TNFSF15: variants seen among roughly 807,000 people sequenced by gnomAD.
TNFSF15 encodes tumor necrosis factor ligand superfamily member 15.
In TNFSF15, 15 loss-of-function variants were observed where a neutral mutation model predicts 26.4. The observed-to-expected ratio is 0.57, with a 90% CI of 0.38 to 0.87. The LOEUF (loss-of-function observed/expected upper bound fraction) is 0.87. Ranked by LOEUF, TNFSF15 falls within the 40% of genes least tolerant of loss-of-function variation. TNFSF15 has a pLI of 0.00. For synonymous variants in TNFSF15, 116 were observed against 115.0 expected (o/e 1.01, Z -0.06); for missense variants, 290 against 306.1 (o/e 0.95, Z 0.39).
At chr9:114,793,650 A>T in intron 1 of TNFSF15, 82 bp from the exon 2 acceptor site, 1 of 1,359,208 alleles carries the variant, frequency 7.4e-7, no homozygotes, top group African/African-American at 1.4e-5. Flanking sequence ...CACAGGTATG[A>T]TTACAAAGCT....
chr9:114,805,201 A>G (rs967363655), intron 1 of TNFSF15, among the ~76,000 whole-genome samples: 1 of 152,230 alleles, frequency 6.6e-6, no homozygotes, highest in Non-Finnish European at 1.5e-5. Context: ...TAAACCCAAG[A>G]AAAAGAGTGG....
intron 1 of TNFSF15, among the ~76,000 whole-genome samples, chr9:114,797,678 T>A (rs1801792607): frequency 3.3e-5 from 5 of 152,206 alleles, no homozygotes; most frequent in African/African-American, 9.6e-5. Flanking sequence ...CATCACTTCT[T>A]GTTATTCTGG....
At chr9:114,804,131 C>T (rs1166279230) in intron 1 of TNFSF15, among the ~76,000 whole-genome samples, 7 of 152,192 alleles carry the variant, frequency 4.6e-5, no homozygotes, top group Non-Finnish European at 8.8e-5. Flanking sequence ...CTGCAATCAT[C>T]CCCACACATC....
chr9:114,802,247 T>A (rs1177971836), intron 1 of TNFSF15, among the ~76,000 whole-genome samples: 6 of 152,086 alleles, frequency 3.9e-5, no homozygotes, highest in Admixed American at 3.9e-4. Flanking sequence ...GACTTTGGTT[T>A]TTTTTGTTTT....
chr9:114,802,045 C>T (rs896852763), intron 1 of TNFSF15, among the ~76,000 whole-genome samples: 2 of 151,828 alleles, frequency 1.3e-5, no homozygotes, highest in African/African-American at 4.8e-5. Flanking sequence ...ACGCACTTTG[C>T]TTTTTTTTCA....
chr9:114,803,962 T>C (rs975255574), intron 1 of TNFSF15, among the ~76,000 whole-genome samples: 29 of 152,338 alleles, frequency 1.9e-4, no homozygotes, highest in Admixed American at 1.5e-3. Context: ...TTTAAATCCC[T>C]TCAAACTCTT....
intron 3 of TNFSF15, chr9:114,791,207 A>C: frequency 3.7e-6 from 2 of 541,954 alleles, no homozygotes; most frequent in Non-Finnish European, 6.7e-6. Context: ...ATGAAGGTTA[A>C]GGAATCCCCC....
In TNFSF15 at chr9:114,788,718, A is replaced by C. The variant is rs1258129507; in HGVS notation, c.*1734T>G. 1 of 152,212 alleles carries C rather than the reference A, an allele frequency of 6.6e-6. No individual in the cohort carries two copies. Among genetic ancestry groups the C allele is most frequent in the Non-Finnish European group, 1.5e-5 (1 of 68,030 alleles). The allele number at this position is 152,212 out of a possible 1,614,324, so 9.4% of individuals were successfully genotyped here. ...AGTCATATAATACCGAAATGCTCAG[A>C]TGGCACAGAATGCATGAAGTTAACA... On this transcript the variant is annotated 3_prime_UTR_variant, in exon 4 of 4. Transcript: ENST00000374045.
Position 114,785,180 on chromosome 9 carries a change from C to T in TNFSF15, c.*5272G>A, listed in dbSNP as rs1003434473. ...TTATTGTTAAGATATCTAAATTCTA[C>T]TTTTAGCATCCAACTAGCTACTGTC... On this transcript the variant is annotated 3_prime_UTR_variant, in exon 4 of 4. Coordinates refer to ENST00000374045, the MANE Select transcript of TNFSF15 (RefSeq NM_005118.4). 98 of 152,350 alleles carry T rather than the reference C, an allele frequency of 6.4e-4. No individual in the cohort carries two copies. The highest frequency in any genetic ancestry group is 2.1e-3 in the African/African-American group (87 of 41,574). 9.4% of individuals were successfully genotyped at this position (152,350 alleles called of 1,614,324 possible).
rs1829580079 is a variant in TNFSF15, at chr9:114,790,592, T to C, written c.616A>G (p.Ser206Gly). The change falls in exon 4 of 4, where the codon AGC becomes GGC. Residue 206 changes from serine (S) to glycine (G), a missense_variant. Around this residue, in one of 3 missense-constraint regions of TNFSF15, gnomAD observed 102 missense variants for 114.7 expected, o/e 0.89. Coordinates refer to ENST00000374045, the MANE Select transcript of TNFSF15 (RefSeq NM_005118.4). ...AGGTAGATGGGCTGGAACCAGTTGC[T>C]ACCTACTTCGCATACAGACTTGGTC... ...MGTKSVCEVG[S>G]NWFQPIYLGA... 2.5e-6 allele frequency: 4 copies of C among 1,614,032 alleles called. No homozygotes were observed. In the Admixed American group the frequency reaches 6.7e-5, roughly 27 times the overall value.
At chr9:114,805,770 T>C in intron 1 of TNFSF15, 33 bp downstream of exon 1, 1 of 1,603,746 alleles carries the variant, frequency 6.2e-7, no homozygotes, top group African/African-American at 1.3e-5. Context: ...AGTCCACTGC[T>C]CCTCCCCAAG....
chr9:114,790,884 C>T lies in TNFSF15; in HGVS notation c.324G>A (p.Gln108=), dbSNP rs767557962. 5.0e-6 allele frequency: 8 copies of T among 1,614,056 alleles called. No individual in the cohort carries two copies. Among genetic ancestry groups the T allele is most frequent in the Admixed American group, 1.7e-5 (1 of 60,010 alleles). ...GAGCTGGGAACTGATTTTTAAAGTG[C>T]TGTGTGGGAGTTTGTCTCACAACTG... is the stretch of plus-strand genomic sequence containing the variant. ...HLTVVRQTPT[Q]HFKNQFPALH... The change falls in exon 4 of 4, where the codon CAG becomes CAA. Residue 108 remains glutamine (Q), a synonymous_variant. Transcript: ENST00000374045.
intron 1 of TNFSF15, among the ~76,000 whole-genome samples, chr9:114,800,181 G>C (rs1230700890): frequency 6.6e-6 from 1 of 152,142 alleles, no homozygotes; most frequent in Non-Finnish European, 1.5e-5. Context: ...TTCTATGGCA[G>C]CAGCTTTCTG....
chr9:114,793,206 T>G (rs1028849923), intron 2 of TNFSF15, among the ~76,000 whole-genome samples: 6 of 152,170 alleles, frequency 3.9e-5, no homozygotes, highest in African/African-American at 1.4e-4. Flanking sequence ...CCCTTTTGAG[T>G]AGGATCTACT....
rs1206745818 is a variant in TNFSF15, at chr9:114,793,537, T to C, written c.242A>G (p.His81Arg). 1.2e-6 allele frequency: 2 copies of C among 1,613,906 alleles called. No homozygotes were observed. The highest frequency in any genetic ancestry group is 1.7e-5 in the Admixed American group (1 of 60,018). ...ATGAGCATACTTACAAACTTGCTGA[T>C]GTGAAGGTGCAAACTCCTGTCCTTT... ...ALKGQEFAPS[H>R]QQVYAPLRAD... is the part of the protein sequence containing the mutation. The change falls in exon 2 of 4, where the codon CAT (histidine) becomes CGT (arginine). Residue 81 changes from histidine (H) to arginine (R), a missense_variant. By Grantham distance (29) the His-to-Arg change is conservative (BLOSUM62 0). Transcript: ENST00000374045.
chr9:114,803,959 C>T (rs1829781562), intron 1 of TNFSF15, among the ~76,000 whole-genome samples: 1 of 152,212 alleles, frequency 6.6e-6, no homozygotes, highest in African/African-American at 2.4e-5. Context: ...TTCTTTAAAT[C>T]CCTTCAAACT....
At position 114,790,397 on chromosome 9, in the gene TNFSF15, G is replaced by C. The variant is rs762762428; in HGVS notation, c.*55C>G. 3.3e-6 allele frequency: 5 copies of C among 1,495,530 alleles called. No individual in the cohort carries two copies. The highest frequency in any genetic ancestry group is 4.5e-6 in the Non-Finnish European group (5 of 1,113,240). The allele number at this position is 1,495,530 out of a possible 1,614,324, so 92.6% of individuals were successfully genotyped here. On this transcript the variant is annotated 3_prime_UTR_variant, in exon 4 of 4. Transcript: ENST00000374045. ...CTGGTTATAATTACATTTGAACAAA[G>C]AAAATTAGGAACTCGGTGGCAGAGG...
At position 114,789,714 on chromosome 9, in the gene TNFSF15, A is replaced by G. The variant is rs1044623880; in HGVS notation, c.*738T>C. 5 of 152,294 alleles carry G rather than the reference A, an allele frequency of 3.3e-5. No homozygotes were observed. Among genetic ancestry groups the G allele is most frequent in the Non-Finnish European group, 5.9e-5 (4 of 68,034 alleles). 9.4% of individuals were successfully genotyped at this position (152,294 alleles called of 1,614,324 possible). Reference sequence around the variant, plus strand: ...TTGAGTGGAGTCTGTCTTGTTTTTCATAGTGTCTTCTGGGTTAAGGTAGAA... The same window carrying G: ...TTGAGTGGAGTCTGTCTTGTTTTTCGTAGTGTCTTCTGGGTTAAGGTAGAA... On this transcript the variant is annotated 3_prime_UTR_variant, in exon 4 of 4. Coordinates refer to ENST00000374045, the MANE Select transcript of TNFSF15 (RefSeq NM_005118.4).
At chr9:114,805,289 T>C (rs1829805369) in intron 1 of TNFSF15, among the ~76,000 whole-genome samples, 1 of 152,184 alleles carries the variant, frequency 6.6e-6, no homozygotes, top group Non-Finnish European at 1.5e-5. Context: ...AGCATATAAA[T>C]AAAATCATAA....
Sources: allele counts gnomAD v4.1 joint callset (sites outside exome capture counted in the v4.1 genomes callset), GRCh38; gene constraint gnomAD v4.1.1; regional missense constraint gnomAD v4.1.1; transcripts MANE v1.5; gene names NCBI Gene and HGNC (gene_info 2026-07-23, HGNC 2026-07-21).